NUMA1: variants seen among roughly 807,000 people sequenced by gnomAD.
The protein encoded by NUMA1 is nuclear mitotic apparatus protein 1, also known as SP-H antigen.
A neutral mutation model predicts 237.1 loss-of-function variants in NUMA1; 62 were observed. That is an observed-to-expected ratio of 0.26 (90% CI 0.21 to 0.32). The LOEUF (loss-of-function observed/expected upper bound fraction) is 0.32. NUMA1 is among the 10% of genes least tolerant of loss of function. The pLI is 1.00. For synonymous variants in NUMA1, 1,028 were observed against 1,066.1 expected (o/e 0.96, Z 0.70); for missense variants, 2,533 against 2,666.5 (o/e 0.95, Z 1.10).
intron 3 of NUMA1, among the ~76,000 whole-genome samples, chr11:72,031,694 G>C (rs896758409): frequency 1.3e-5 from 2 of 152,046 alleles, no homozygotes; most frequent in Non-Finnish European, 2.9e-5. Context: ...TGCTCGCGTA[G>C]TCCCTGCTAC....
At chr11:72,020,560 TG>T (rs2135273021) in intron 8 of NUMA1, 2 of 152,346 alleles carry the variant, frequency 1.3e-5, no homozygotes, top group South Asian at 4.1e-4. Context: ...ATGCACTACA[TG>T]ACGGGAAAAA....
intron 2 of NUMA1, among the ~76,000 whole-genome samples, chr11:72,061,485 CTTTTTTTTT>C: frequency 8.5e-6 from 1 of 117,282 alleles, no homozygotes; most frequent in African/African-American, 3.2e-5. Flanking sequence ...TGTTTCTTTT[CTTTTTTTTT>C]TTTTTTTTTT....
intron 2 of NUMA1, chr11:72,068,537 C>T (rs1227059088): frequency 2.6e-5 from 4 of 152,292 alleles, no homozygotes; most frequent in Non-Finnish European, 5.9e-5. Flanking sequence ...AGGAGAATCG[C>T]TTGAACCCGA....
At chr11:72,064,472 G>GA (rs879905683) in intron 2 of NUMA1, among the ~76,000 whole-genome samples, 4,208 of 142,650 alleles carry the variant, frequency 0.029, 163 homozygotes, top group African/African-American at 0.083. Flanking sequence ...CGTCTCTGGG[G>GA]AAAAAAAAAA....
At chr11:72,016,768 G>T in intron 13 of NUMA1, 1 of 504,230 alleles carries the variant, frequency 2.0e-6, no homozygotes, top group Non-Finnish European at 3.5e-6. Flanking sequence ...CTTCCCCAAG[G>T]CTGCTGAGTT....
intron 24 of NUMA1, 123 bp from the exon 25 acceptor site, chr11:72,004,464 A>G (rs1590850408): frequency 1.7e-6 from 2 of 1,210,084 alleles, no homozygotes; most frequent in East Asian, 4.7e-5. Context: ...CCCCTTCCCA[A>G]CTCTGGGCCA....
intron 2 of NUMA1, among the ~76,000 whole-genome samples, chr11:72,052,531 G>A (rs919216866): frequency 7.2e-5 from 11 of 152,182 alleles, no homozygotes; most frequent in African/African-American, 2.7e-4. Flanking sequence ...ACTTTGGGAG[G>A]CCAAGGCAGG....
chr11:72,034,920 A>C (rs562566124), intron 3 of NUMA1, among the ~76,000 whole-genome samples: 8 of 152,324 alleles, frequency 5.3e-5, no homozygotes, highest in Non-Finnish European at 1.2e-4. Flanking sequence ...GCAGTGGTGC[A>C]ATCATGGCTC....
chr11:72,025,477 C>G (rs1173717052), intron 4 of NUMA1, among the ~76,000 whole-genome samples: 1 of 152,092 alleles, frequency 6.6e-6, no homozygotes, highest in Non-Finnish European at 1.5e-5. Flanking sequence ...TCTCAGCCTT[C>G]AACCTAGTGG....
In NUMA1 at chr11:72,005,380, C is replaced by T; in HGVS notation, c.5693-11G>A. 15 of 1,601,554 alleles carry T rather than the reference C, an allele frequency of 9.4e-6. No homozygotes were observed. Among genetic ancestry groups the T allele is most frequent in the Non-Finnish European group, 1.2e-5 (14 of 1,174,840 alleles). Reference sequence around the variant, plus strand: ...AGAAGCTGTTCCTTCCTGTGGAAGGCAGGGAAGTGGGAACAAATGAGCCTG... The same window carrying T: ...AGAAGCTGTTCCTTCCTGTGGAAGGTAGGGAAGTGGGAACAAATGAGCCTG... On this transcript the variant is annotated splice_polypyrimidine_tract_variant and intron_variant, in intron 22 of 26. Coordinates refer to ENST00000393695, the MANE Select transcript of NUMA1 (RefSeq NM_006185.4).
intron 2 of NUMA1, among the ~76,000 whole-genome samples, chr11:72,063,442 C>T (rs1473225460): frequency 1.3e-5 from 2 of 151,918 alleles, no homozygotes; most frequent in Middle Eastern, 3.4e-3. Context: ...GTGGCTCACA[C>T]CTGCACTTTG....
chr11:72,034,722 C>G (rs887129767), intron 3 of NUMA1, among the ~76,000 whole-genome samples: 5 of 151,884 alleles, frequency 3.3e-5, no homozygotes, highest in African/African-American at 1.2e-4. Context: ...AAAAAAGATA[C>G]TGAAGATACT....
intron 20 of NUMA1, 97 bp from the exon 21 acceptor site, chr11:72,007,532 G>C: frequency 6.9e-7 from 1 of 1,444,014 alleles, no homozygotes; most frequent in South Asian, 1.2e-5. Flanking sequence ...CTTACTACAA[G>C]CAGATGAGGT....
At chr11:72,008,218 A>G (rs1268105529) in intron 20 of NUMA1, 1 of 434,852 alleles carries the variant, frequency 2.3e-6, no homozygotes, top group Admixed American at 2.9e-5. Flanking sequence ...ACTAGCTATT[A>G]GAATAATCTT....
In NUMA1 at chr11:72,034,407, C is replaced by T. The variant is rs77911128; in HGVS notation, c.42+1495G>A. Among the ~76,000 whole-genome samples the T allele has an allele frequency of 5.2e-3, 785 of 151,634 alleles. 13 individuals carry two copies. The highest frequency in any genetic ancestry group is 0.017 in the African/African-American group (715 of 41,308). The stretch of plus-strand genomic sequence containing the variant: ...GAGGTATTTTAATTTAAAATCATCC[C>T]CATTAAAAAAAATGATACTGGCCAG... On this transcript the variant is annotated intron_variant, in intron 3 of 26. Coordinates refer to ENST00000393695, the MANE Select transcript of NUMA1 (RefSeq NM_006185.4).
intron 7 of NUMA1, 71 bp from the exon 8 acceptor site, chr11:72,021,362 A>C: frequency 1.5e-6 from 2 of 1,360,160 alleles, no homozygotes; most frequent in Non-Finnish European, 2.1e-6. Context: ...CAGGAGCTCC[A>C]CCCTGGCAGT....
intron 2 of NUMA1, among the ~76,000 whole-genome samples, chr11:72,044,146 A>G (rs2135921456): frequency 6.6e-6 from 1 of 152,318 alleles, no homozygotes; most frequent in South Asian, 2.1e-4. Flanking sequence ...TAATTTGCCA[A>G]GATCACATAG....
At chr11:72,051,819 A>G (rs1260491711) in intron 2 of NUMA1, among the ~76,000 whole-genome samples, 1 of 152,206 alleles carries the variant, frequency 6.6e-6, no homozygotes, top group Non-Finnish European at 1.5e-5. Flanking sequence ...AGGAAGAGAC[A>G]CATCTGTAAC....
In NUMA1 at chr11:72,007,245, T is replaced by TA; in HGVS notation, c.5406dup (p.Lys1803Ter). ...GTGCGCCGACGAGCGGAGCGGGTCT[T>TA]ACGACCCGAGTCCAGGAAGACGTCT... On this transcript the variant is annotated frameshift_variant, in exon 21 of 27. Coordinates refer to ENST00000393695, the MANE Select transcript of NUMA1 (RefSeq NM_006185.4). LOFTEE classifies it high-confidence loss of function. 6.2e-7 allele frequency: 1 copy of TA among 1,612,978 alleles called. No homozygotes were observed. The highest frequency in any genetic ancestry group is 8.5e-7 in the Non-Finnish European group (1 of 1,179,858).
Sources: allele counts gnomAD v4.1 joint callset (sites outside exome capture counted in the v4.1 genomes callset), GRCh38; gene constraint gnomAD v4.1.1; transcripts MANE v1.5; gene names NCBI Gene and HGNC (gene_info 2026-07-23, HGNC 2026-07-21).